OVCH1: variants seen among roughly 807,000 people sequenced by gnomAD.
OVCH1 encodes the protein ovochymase-1.
In OVCH1, 139 loss-of-function variants were observed where a neutral mutation model predicts 138.4. The ratio of observed to expected loss-of-function variants is 1.00; its 90% CI spans 0.87 to 1.16. The LOEUF (loss-of-function observed/expected upper bound fraction) is 1.16, where lower values mean the gene tolerates loss of function less well. OVCH1 is among the 50% of genes most tolerant of loss of function. The pLI is 0.00. For missense variants in OVCH1, 1,367 were observed against 1,357.9 expected, an observed-to-expected ratio of 1.01 and a Z score of -0.11; for synonymous variants, 453 against 467.8, an observed-to-expected ratio of 0.97 and a Z score of 0.41.
chr12:29,497,562 C>T, intron 1 of OVCH1, 61 bp downstream of exon 1: 2 of 1,592,928 alleles, frequency 1.3e-6, no homozygotes, highest in Non-Finnish European at 1.7e-6. Flanking sequence ...GTAATGAAGT[C>T]TTCCCTCTCC....
intron 3 of OVCH1, among the ~76,000 whole-genome samples, chr12:29,418,866 T>C (rs1941065265): frequency 6.6e-6 from 1 of 152,216 alleles, no homozygotes; most frequent in African/African-American, 2.4e-5. Flanking sequence ...TCTTTGTTCT[T>C]TTTAGAATTA....
chr12:29,474,594 G>A (rs880133), intron 14 of OVCH1, among the ~76,000 whole-genome samples: 45,522 of 152,012 alleles, frequency 0.3, 8,094 homozygotes, highest in Middle Eastern at 0.5. Context: ...AAAACATGTA[G>A]AGTTATTTGT....
exon 3 of OVCH1, chr12:29,496,277 A>G: frequency 6.3e-7 from 1 of 1,598,720 alleles, no homozygotes; most frequent in Non-Finnish European, 8.5e-7. Flanking sequence ...TTTTAGGGAG[A>G]CCTACCCAAG....
chr12:29,436,975 C>T (rs547931997), intron 26 of OVCH1, among the ~76,000 whole-genome samples: 76 of 152,306 alleles, frequency 5.0e-4, no homozygotes, highest in African/African-American at 1.8e-3. Flanking sequence ...TATCTGGCCC[C>T]GCCCACATCC....
downstream of OVCH1, among the ~76,000 whole-genome samples, chr12:29,422,881 C>CT (rs1261956803): frequency 6.6e-6 from 1 of 152,160 alleles, no homozygotes; most frequent in Admixed American, 6.5e-5. Flanking sequence ...TAGCAAATGA[C>CT]TGACTTTCGT....
chr12:29,449,688 A>G (rs1941725304), intron 22 of OVCH1, among the ~76,000 whole-genome samples: 1 of 152,158 alleles, frequency 6.6e-6, no homozygotes, highest in South Asian at 2.1e-4. Flanking sequence ...CTTTTGAAAA[A>G]TAAGCCTGTA....
chr12:29,463,579 A>G (rs781554764), intron 18 of OVCH1, among the ~76,000 whole-genome samples: 2 of 152,188 alleles, frequency 1.3e-5, no homozygotes, highest in Admixed American at 6.6e-5. Flanking sequence ...TGTAATGAGA[A>G]GCCATTAAGA....
intron 23 of OVCH1, 69 bp from the exon 24 acceptor site, chr12:29,444,349 C>T: frequency 1.4e-6 from 2 of 1,455,132 alleles, no homozygotes; most frequent in Non-Finnish European, 1.9e-6. Flanking sequence ...TATGCCTTTT[C>T]AGATCAAGGT....
intron 22 of OVCH1, among the ~76,000 whole-genome samples, chr12:29,449,965 A>C (rs1338024161): frequency 6.6e-6 from 1 of 152,218 alleles, no homozygotes; most frequent in African/African-American, 2.4e-5. Flanking sequence ...AGCCATATGC[A>C]GAAAACTGAA....
the OVCH1 span, among the ~76,000 whole-genome samples, chr12:29,406,144 G>C: frequency 4.6e-5 from 7 of 152,102 alleles, no homozygotes; most frequent in African/African-American, 1.7e-4. Flanking sequence ...GTTTGTGTAT[G>C]TTTAGAGTAC....
intron 9 of OVCH1, among the ~76,000 whole-genome samples, chr12:29,478,143 T>C (rs1942806549): frequency 6.6e-6 from 1 of 152,172 alleles, no homozygotes; most frequent in South Asian, 2.1e-4. Context: ...CACAGAGTAT[T>C]TCAACAAAAT....
rs1202881111 is a variant in OVCH1 at position 29,488,640 on chromosome 12, A to AG, written c.703-759_703-758insC. Among the ~76,000 whole-genome samples the AG allele has an allele frequency of 3.5e-3, 527 of 150,522 alleles. 4 individuals carry two copies. The highest frequency in any genetic ancestry group is 0.013 in the African/African-American group (516 of 40,636). ...CATCTCAAAAAAAAAAAAAAAAAAAAAAAGAAAGGAAAGGACCACATTGGC... is the reference window on the plus strand; with the variant it reads ...CATCTCAAAAAAAAAAAAAAAAAAAAGAAAGAAAGGAAAGGACCACATTGGC... On this transcript the variant is annotated intron_variant, in intron 6 of 27. Coordinates refer to ENST00000318184, the Ensembl canonical transcript of OVCH1.
downstream of OVCH1, among the ~76,000 whole-genome samples, chr12:29,409,715 G>A (rs891957356): frequency 6.6e-6 from 1 of 152,128 alleles, no homozygotes; most frequent in Non-Finnish European, 1.5e-5. Context: ...GCTGAGGAGA[G>A]CTTTACTTCC....
At chr12:29,412,163 C>T (rs1314764764), downstream of OVCH1, among the ~76,000 whole-genome samples, 2 of 152,122 alleles carry the variant, frequency 1.3e-5, no homozygotes, top group Non-Finnish European at 2.9e-5. Context: ...GTTGGAAAAG[C>T]GCAGTACTTG....
chr12:29,473,111 A>C lies in OVCH1; in HGVS notation c.1601-8T>G. 1 of 1,574,870 alleles carries C rather than the reference A, an allele frequency of 6.3e-7. No homozygotes were observed. The highest frequency in any genetic ancestry group is 8.6e-7 in the Non-Finnish European group (1 of 1,156,304). On this transcript the variant is annotated splice_polypyrimidine_tract_variant and splice_region_variant and intron_variant, in intron 14 of 27. Transcript: ENST00000318184. ...CAAATTTGTTTAAAGACTCTGTAGA[A>C]GAAAAAAAAATTAATTGAAAGTAAT... is the stretch of plus-strand genomic sequence containing the variant.
At chr12:29,497,504 C>T in intron 1 of OVCH1, 119 bp downstream of exon 1, 1 of 1,177,858 alleles carries the variant, frequency 8.5e-7, no homozygotes, top group South Asian at 1.5e-5. Flanking sequence ...CCTTTCTTCC[C>T]AAATGCCTCA....
At chr12:29,497,159 CTCAGGAGGCAGAG>C (rs148747288) in intron 1 of OVCH1, among the ~76,000 whole-genome samples, 3,524 of 152,224 alleles carry the variant, frequency 0.023, 145 homozygotes, top group East Asian at 0.17. Context: ...GTCCCAGCTA[CTCAGGAGGCAGAG>C]GCAGGAGGAT....
intron 26 of OVCH1, among the ~76,000 whole-genome samples, chr12:29,435,028 G>T (rs1286651427): frequency 6.6e-6 from 1 of 152,142 alleles, no homozygotes; most frequent in Non-Finnish European, 1.5e-5. Flanking sequence ...GAACTAAAAA[G>T]TTATTGCTGT....
At chr12:29,496,393 C>G in intron 2 of OVCH1, 115 bp from the exon 3 acceptor site, 1 of 1,175,094 alleles carries the variant, frequency 8.5e-7, no homozygotes, top group Non-Finnish European at 1.2e-6. Context: ...AAAATACCGA[C>G]ATAAATTGGA....
Sources: allele counts gnomAD v4.1 joint callset (sites outside exome capture counted in the v4.1 genomes callset), GRCh38; gene constraint gnomAD v4.1.1; transcripts MANE v1.5; gene names NCBI Gene and HGNC (gene_info 2026-07-23, HGNC 2026-07-21).